Variants in GPRC5B observed in about 807,000 individuals in gnomAD.
GPRC5B encodes G protein-coupled receptor family C group 5 member B.
A neutral mutation model predicts 30.1 loss-of-function variants in GPRC5B; 16 were observed. The observed-to-expected ratio is 0.53, with a 90% CI of 0.36 to 0.81. The LOEUF (loss-of-function observed/expected upper bound fraction) is 0.81. Ranked by LOEUF, GPRC5B falls within the 30% of genes least tolerant of loss-of-function variation. The probability of loss-of-function intolerance (pLI) is 0.01; values close to 1 mark genes in which losing one functional copy is unlikely to be tolerated. For synonymous variants in GPRC5B, 241 were observed against 239.5 expected (o/e 1.01, Z -0.06); for missense variants, 428 against 544.7 (o/e 0.79, Z 2.13).
chr16:19,885,101 T>C, upstream of GPRC5B: 1 of 874,488 alleles, frequency 1.1e-6, no homozygotes, highest in Non-Finnish European at 1.6e-6. This position sits in a 1 kb window ranked among gnomAD's most constrained non-coding sequence, Gnocchi z 5.3. Context: ...TCGGGGACAT[T>C]CCCCCCACAA....
intron 2 of GPRC5B, 180 bp from the exon 3 acceptor site, chr16:19,862,153 C>G (rs2056630840): frequency 1.7e-6 from 1 of 596,700 alleles, no homozygotes. Context: ...CTCAGGCTCT[C>G]TAGGAGCCTG....
intron 1 of GPRC5B, among the ~76,000 whole-genome samples, chr16:19,881,226 TA>T (rs2056804679): frequency 6.6e-6 from 1 of 152,128 alleles, no homozygotes; most frequent in African/African-American, 2.4e-5. Context: ...TCTTCATCTG[TA>T]AAATGGGGAT....
chr16:19,884,990 C>T (rs111852063), upstream of GPRC5B: 3 of 622,680 alleles, frequency 4.8e-6, no homozygotes, highest in Admixed American at 6.3e-5. Flanking sequence ...GCCGGCGGTT[C>T]CGCGCGGGGC....
intron 1 of GPRC5B, among the ~76,000 whole-genome samples, chr16:19,879,139 A>AC: frequency 6.6e-6 from 1 of 151,840 alleles, no homozygotes; most frequent in Middle Eastern, 3.4e-3. Flanking sequence ...GGTGCCTCCC[A>AC]CCCCCGAGAG....
intron 2 of GPRC5B, among the ~76,000 whole-genome samples, chr16:19,870,621 G>C (rs2056708834): frequency 6.6e-6 from 1 of 152,250 alleles, no homozygotes; most frequent in South Asian, 2.1e-4. Flanking sequence ...TGAGCTAGGA[G>C]AGGGGATGGG....
intron 3 of GPRC5B, among the ~76,000 whole-genome samples, chr16:19,860,805 C>T (rs1286740935): frequency 6.6e-6 from 1 of 152,074 alleles, no homozygotes; most frequent in African/African-American, 2.4e-5. Context: ...TATTTTTTCA[C>T]ACACTGGCCT....
At chr16:19,863,206 A>T (rs2056641015) in intron 2 of GPRC5B, among the ~76,000 whole-genome samples, 1 of 150,944 alleles carries the variant, frequency 6.6e-6, no homozygotes, top group Non-Finnish European at 1.5e-5. Flanking sequence ...TGTCCAGGCT[A>T]GAATGCAGTG....
chr16:19,871,799 G>T lies in GPRC5B; in HGVS notation c.1030+17C>A. On this transcript the variant is annotated intron_variant, in intron 2 of 3. Coordinates refer to ENST00000300571, the MANE Select transcript of GPRC5B (RefSeq NM_016235.3). ...ATGGTCCCCCGGCCTGACCCAGCCG[G>T]GTGGTGCCCACTTTACCTGCATTGT... 2.5e-6 allele frequency: 4 copies of T among 1,605,894 alleles called. No individual in the cohort carries two copies. The highest frequency in any genetic ancestry group is 3.4e-6 in the Non-Finnish European group (4 of 1,173,624).
rs1243046809 is a variant in GPRC5B at position 19,872,187 on chromosome 16, AAG to A, written c.657_658del (p.Phe220HisfsTer71). ...CCTCTTGAACTTGCCGCACAGAGTGAAGAGGGCCAGCCCCAGGGTGACCACAA... is the reference window on the plus strand; with the variant it reads ...CCTCTTGAACTTGCCGCACAGAGTGAAGGGCCAGCCCCAGGGTGACCACAA... On this transcript the variant is annotated frameshift_variant, in exon 2 of 4. Transcript: ENST00000300571. LOFTEE classifies it high-confidence loss of function. The surrounding 1 kb of genome is among the most constrained non-coding windows in gnomAD (Gnocchi z 5.0). 6.2e-7 allele frequency: 1 copy of A among 1,614,024 alleles called. No homozygotes were observed. Among genetic ancestry groups the A allele is most frequent in the Non-Finnish European group, 8.5e-7 (1 of 1,180,018 alleles).
rs1776285072 is a variant in GPRC5B, at chr16:19,872,492, G to A, written c.354C>T (p.Asp118=). 6 of 1,613,806 alleles carry A rather than the reference G, an allele frequency of 3.7e-6. No homozygotes were observed. The highest frequency in any genetic ancestry group is 2.7e-5 in the African/African-American group (2 of 75,048). Reference sequence around the variant, plus strand: ...AGCGGCGGACAGAGCAGATGGTCTCGTCCTCCTGGATGATGAAGGCAAACG... The same window carrying A: ...AGCGGCGGACAGAGCAGATGGTCTCATCCTCCTGGATGATGAAGGCAAACG... ...GLTFAFIIQE[D]ETICSVRRFL... The change falls in exon 2 of 4, where the codon GAC becomes GAT. Residue 118 remains aspartate (D), a synonymous_variant. Transcript: ENST00000300571. This position sits in a 1 kb window ranked among gnomAD's most constrained non-coding sequence, Gnocchi z 5.0.
chr16:19,872,267 G>A lies in GPRC5B; in HGVS notation c.579C>T (p.Cys193=), dbSNP rs547804504. ...TCACAAAGTCCATGGGCTCGTAGGCGCAGGCTGGCCTTGTGTCACGCAGCA... is the reference window on the plus strand; with the variant it reads ...TCACAAAGTCCATGGGCTCGTAGGCACAGGCTGGCCTTGTGTCACGCAGCA... The part of the protein sequence containing the change: ...LTVLRDTRPA[C]AYEPMDFVMA... Residue 193 remains cysteine (C), a synonymous_variant, in exon 2 of 4, where the codon TGC becomes TGT. Coordinates refer to ENST00000300571, the MANE Select transcript of GPRC5B (RefSeq NM_016235.3). The surrounding 1 kb of genome is among the most constrained non-coding windows in gnomAD (Gnocchi z 5.0). 86 of 1,614,016 alleles carry A rather than the reference G, an allele frequency of 5.3e-5. No homozygotes were observed. Among genetic ancestry groups the A allele is most frequent in the East Asian group, 8.9e-5 (4 of 44,876 alleles).
intron 1 of GPRC5B, among the ~76,000 whole-genome samples, chr16:19,879,415 C>A (rs920213659): frequency 3.4e-5 from 5 of 147,864 alleles, no homozygotes; most frequent in African/African-American, 1.3e-4. Flanking sequence ...CTCTCTCTCT[C>A]ACACACACAC....
chr16:19,884,963 GC>G, upstream of GPRC5B: 1 of 797,290 alleles, frequency 1.3e-6, no homozygotes, highest in Non-Finnish European at 1.5e-6. Flanking sequence ...GGGCCTCCGA[GC>G]CCCACCCCCG....
upstream of GPRC5B, chr16:19,885,396 C>A (rs2141157685): frequency 8.6e-7 from 1 of 1,161,266 alleles, no homozygotes; most frequent in South Asian, 1.6e-5. This position sits in a 1 kb window ranked among gnomAD's most constrained non-coding sequence, Gnocchi z 5.3. Flanking sequence ...CGCACACACA[C>A]CGCTAGGCCT....
intron 1 of GPRC5B, among the ~76,000 whole-genome samples, chr16:19,884,139 G>C (rs888701644): frequency 2.1e-5 from 2 of 93,628 alleles, no homozygotes. Flanking sequence ...CCCGTCATTC[G>C]TCCCCAGCCC....
chr16:19,882,978 T>C (rs1273586204), intron 1 of GPRC5B, among the ~76,000 whole-genome samples: 1 of 152,134 alleles, frequency 6.6e-6, no homozygotes, highest in Non-Finnish European at 1.5e-5. Flanking sequence ...CACTCAAATG[T>C]CACTCCCGGA....
chr16:19,861,500 C>A (rs1178725535), intron 3 of GPRC5B, among the ~76,000 whole-genome samples: 1 of 152,146 alleles, frequency 6.6e-6, no homozygotes, highest in East Asian at 1.9e-4. Context: ...GCAAAATCTG[C>A]TAGGGGCGCT....
rs1210698691 is a variant in GPRC5B, at chr16:19,859,163, T to G, written c.*1337A>C. ...CTGCAGAAGGACCCACCCTCATTTATACATTCCATGCCGTCAGGTTAAAAC... is the reference window on the plus strand; with the variant it reads ...CTGCAGAAGGACCCACCCTCATTTAGACATTCCATGCCGTCAGGTTAAAAC... On this transcript the variant is annotated 3_prime_UTR_variant, in exon 4 of 4. Transcript: ENST00000300571. The G allele has an allele frequency of 6.6e-5, 10 of 152,658 alleles. No individual in the cohort carries two copies. The highest frequency in any genetic ancestry group is 1.5e-4 in the Non-Finnish European group (10 of 68,060). 9.5% of individuals were successfully genotyped at this position (152,658 alleles called of 1,614,324 possible). A position where few individuals can be genotyped will look rare whatever the true frequency, so the allele number is the denominator to read the frequency against.
chr16:19,874,156 G>A (rs540229821), intron 1 of GPRC5B, among the ~76,000 whole-genome samples: 2 of 152,252 alleles, frequency 1.3e-5, no homozygotes, highest in South Asian at 4.2e-4. Context: ...GAACATCTCT[G>A]GAGGATTCCC....
Sources: allele counts gnomAD v4.1 joint callset (sites outside exome capture counted in the v4.1 genomes callset), GRCh38; gene constraint gnomAD v4.1.1; non-coding constraint Gnocchi (gnomAD v3.1); transcripts MANE v1.5; gene names NCBI Gene and HGNC (gene_info 2026-07-23, HGNC 2026-07-21).